Variants in ANKRD24 observed in about 807,000 individuals in gnomAD.
ANKRD24 encodes ankyrin repeat domain-containing protein 24.
ANKRD24 carries 109 observed loss-of-function variants against 127.8 expected under a neutral mutation model. The ratio of observed to expected loss-of-function variants is 0.85; its 90% CI spans 0.73 to 1.00. The LOEUF (loss-of-function observed/expected upper bound fraction) is 1.00, where lower values mean the gene tolerates loss of function less well. ANKRD24 is among the 50% of genes least tolerant of loss of function. The probability of loss-of-function intolerance (pLI) is 0.00; values close to 1 mark genes in which losing one functional copy is unlikely to be tolerated. For missense variants in ANKRD24, 1,648 were observed against 1,570.2 expected (o/e 1.05, Z -0.84); for synonymous variants, 743 against 671.1 (o/e 1.11, Z -1.66).
chr19:4,200,855 G>A (rs963630455), intron 5 of ANKRD24, among the ~76,000 whole-genome samples: 4 of 152,160 alleles, frequency 2.6e-5, no homozygotes, highest in Non-Finnish European at 5.9e-5. Context: ...CTGAGGCAGA[G>A]GAAGAACTGG....
chr19:4,208,570 A>C (rs997619207), intron 10 of ANKRD24, among the ~76,000 whole-genome samples, 194 bp from the exon 11 acceptor site: 1 of 151,680 alleles, frequency 6.6e-6, no homozygotes, highest in African/African-American at 2.4e-5. Flanking sequence ...GGCATGAGTC[A>C]CCCCATCCAG....
At chr19:4,222,209 C>A (rs377008316) in intron 19 of ANKRD24, among the ~76,000 whole-genome samples, 1 of 152,074 alleles carries the variant, frequency 6.6e-6, no homozygotes, top group Non-Finnish European at 1.5e-5. Context: ...GCCAACATGG[C>A]GAAACCCCGT....
At chr19:4,210,701 C>T (rs1473009135) in intron 13 of ANKRD24, among the ~76,000 whole-genome samples, 3 of 147,560 alleles carry the variant, frequency 2.0e-5, no homozygotes, top group East Asian at 1.9e-4. Context: ...GTAGGCTCCT[C>T]GCCAAAGACA....
intron 15 of ANKRD24, among the ~76,000 whole-genome samples, 163 bp downstream of exon 15, chr19:4,212,861 G>A (rs1411131290): frequency 2.6e-5 from 4 of 152,172 alleles, no homozygotes; most frequent in Non-Finnish European, 2.9e-5. Context: ...GGCTGGGTGC[G>A]AGGGCTTACG....
rs1451616312 is a variant in ANKRD24, at chr19:4,198,486, C to T, written c.37-1197C>T. On this transcript the variant is annotated intron_variant, in intron 2 of 21. Transcript: ENST00000318934. This position sits in a 1 kb window ranked among gnomAD's most constrained non-coding sequence, Gnocchi z 6.1. ...CGTGCGCCCCCCGCGCCCCGCGCCCCGGACGCCATGAAGCAGCTGTGTCTG... is the reference window on the plus strand; with the variant it reads ...CGTGCGCCCCCCGCGCCCCGCGCCCTGGACGCCATGAAGCAGCTGTGTCTG... 1 of 623,576 alleles carries T rather than the reference C, an allele frequency of 1.6e-6. No individual in the cohort carries two copies. Among genetic ancestry groups the T allele is most frequent in the South Asian group, 1.7e-5 (1 of 59,236 alleles). 38.6% of individuals were successfully genotyped at this position (623,576 alleles called of 1,614,324 possible).
intron 1 of ANKRD24, among the ~76,000 whole-genome samples, chr19:4,184,119 C>T (rs1001330851): frequency 3.9e-5 from 6 of 152,206 alleles, no homozygotes; most frequent in African/African-American, 1.4e-4. Flanking sequence ...AGTTGGCCAA[C>T]AGGCAGTCCG....
In ANKRD24 at chr19:4,212,695, G is replaced by A; in HGVS notation, c.1194G>A (p.Leu398=). Residue 398 remains leucine, a synonymous_variant, in exon 15 of 22, where the codon CTG becomes CTA. Transcript: ENST00000318934. ...GTTTGCAGAGCCGGCTGTCCCTGCT[G>A]GAGGTAGGAGCAGTGATGAGTCAGG... ...VESLQSRLSL[L]ENERENTSYD... 4 of 1,550,728 alleles carry A rather than the reference G, an allele frequency of 2.6e-6. No individual in the cohort carries two copies. The South Asian group carries it at 4.8e-5, about 18-fold the overall frequency.
Position 4,217,479 on chromosome 19 carries a change from C to A in ANKRD24, c.2319C>A (p.Gly773=). 7.0e-7 allele frequency: 1 copy of A among 1,424,906 alleles called. No individual in the cohort carries two copies. The allele number at this position is 1,424,906 out of a possible 1,614,324, so 88.3% of individuals were successfully genotyped here. A position where few individuals can be genotyped will look rare whatever the true frequency, so the allele number is the denominator to read the frequency against. Residue 773 remains glycine, a synonymous_variant, in exon 18 of 22, where the codon GGC becomes GGA. Transcript: ENST00000318934. ...RLRERVREAE[G]SGASGGGGGD... is the part of the protein sequence containing the mutation. ...GAGAGCGTGTCCGCGAGGCCGAGGG[C>A]AGCGGGGCCAGCGGGGGCGGTGGCG...
chr19:4,190,836 C>T (rs992929135), intron 2 of ANKRD24, among the ~76,000 whole-genome samples: 4 of 152,222 alleles, frequency 2.6e-5, no homozygotes, highest in African/African-American at 9.6e-5. Context: ...CCCAAGCATT[C>T]CTCAGAAGTA....
rs765060432 is a variant in ANKRD24 at position 4,217,080 on chromosome 19, G to A, written c.1920G>A (p.Val640=). ...TETTGVEAMG[V]EATKTKAEEA... ...CCACGGGAGTGGAGGCCATGGGGGT[G>A]GAGGCCACAAAAACAAAAGCAGAGG... Residue 640 remains valine (V), a synonymous_variant, in exon 18 of 22, where the codon GTG becomes GTA. Coordinates refer to ENST00000318934, the MANE Select transcript of ANKRD24 (RefSeq NM_001393985.1). 6.2e-7 allele frequency: 1 copy of A among 1,613,802 alleles called. No homozygotes were observed. Among genetic ancestry groups the A allele is most frequent in the Non-Finnish European group, 8.5e-7 (1 of 1,179,864 alleles).
At chr19:4,215,851 T>G in intron 15 of ANKRD24, 127 bp from the exon 16 acceptor site, 2 of 690,352 alleles carry the variant, frequency 2.9e-6, no homozygotes, top group Non-Finnish European at 2.4e-6. Context: ...GTGGGCCAAA[T>G]GCAGCCATCT....
chr19:4,219,656 A>C lies in ANKRD24; in HGVS notation c.3069A>C (p.Ala1023=), dbSNP rs747466956. ...CAGCCGAGGCACAGCTGGCCACAGC[A>C]GAGCAGCAGCTACGGGGGCTACGGA... is the stretch of plus-strand genomic sequence containing the variant. ...RHAAEAQLAT[A]EQQLRGLRTE... is the part of the protein sequence containing the mutation. The change falls in exon 19 of 22, where the codon GCA becomes GCC. Residue 1023 remains alanine, a synonymous_variant. Transcript: ENST00000318934. 1.9e-6 allele frequency: 3 copies of C among 1,613,814 alleles called. No homozygotes were observed. In the African/African-American group the frequency reaches 4.0e-5, roughly 22 times the overall value.
At chr19:4,200,442 T>G (rs1969036190) in intron 5 of ANKRD24, among the ~76,000 whole-genome samples, 1 of 151,552 alleles carries the variant, frequency 6.6e-6, no homozygotes, top group Non-Finnish European at 1.5e-5. Context: ...TTCAGTTGGA[T>G]GGGGAAGTAG....
chr19:4,209,103 T>C (rs928688398), intron 11 of ANKRD24: 49 of 285,158 alleles, frequency 1.7e-4, no homozygotes, highest in African/African-American at 9.5e-4. Context: ...TTCCCCTCTT[T>C]CAGTTTTTTT....
Position 4,207,541 on chromosome 19 carries a change from A to G in ANKRD24, c.578A>G (p.His193Arg), listed in dbSNP as rs1004754570. 6 of 1,613,906 alleles carry G rather than the reference A, an allele frequency of 3.7e-6. No individual in the cohort carries two copies. The highest frequency in any genetic ancestry group is 5.1e-6 in the Non-Finnish European group (6 of 1,179,886). The part of the protein sequence containing the change: ...TPLIIAAQMC[H>R]TDLCRLLLQQ... ...CTCATTATAGCAGCTCAGATGTGTC[A>G]CACAGACCTGTGCCGTCTCCTACTG... The change falls in exon 9 of 22, where the codon CAC becomes CGC. Residue 193 changes from histidine (H) to arginine (R), a missense_variant. Physicochemically the swap from His to Arg is conservative, Grantham distance 29 (BLOSUM62 0). Transcript: ENST00000318934.
At chr19:4,206,098 G>C (rs1252146710) in intron 7 of ANKRD24, among the ~76,000 whole-genome samples, 2 of 151,138 alleles carry the variant, frequency 1.3e-5, no homozygotes, top group African/African-American at 2.4e-5. Context: ...GCCGAGATCG[G>C]GCCACTGCAC....
chr19:4,199,847 C>G lies in ANKRD24; in HGVS notation c.124-28C>G, dbSNP rs771002610. 5.2e-6 allele frequency: 8 copies of G among 1,552,490 alleles called. No individual in the cohort carries two copies. Among genetic ancestry groups the G allele is most frequent in the Non-Finnish European group, 7.0e-6 (8 of 1,147,944 alleles). ...GGGAGGGGACAGCAGCCAACACTGC[C>G]CCACGCACTTCTGGGCGTGCCCTGC... On this transcript the variant is annotated intron_variant, in intron 3 of 21. Transcript: ENST00000318934. This position sits in a 1 kb window ranked among gnomAD's most constrained non-coding sequence, Gnocchi z 5.2.
intron 7 of ANKRD24, 127 bp from the exon 8 acceptor site, chr19:4,207,115 G>A: frequency 1.6e-6 from 1 of 632,812 alleles, no homozygotes; most frequent in South Asian, 1.9e-5. Flanking sequence ...TAGAGACAGG[G>A]TCTCACTGTG....
At chr19:4,214,334 A>AT (rs376133994) in intron 15 of ANKRD24, among the ~76,000 whole-genome samples, 2,033 of 151,842 alleles carry the variant, frequency 0.013, 46 homozygotes, top group African/African-American at 0.046. Context: ...CACCTGGCTA[A>AT]TTTTTTTCTT....
Sources: gnomAD v4.1 joint callset for allele counts (sites outside exome capture counted in the v4.1 genomes callset) on GRCh38, gnomAD v4.1.1 for gene constraint, Gnocchi (gnomAD v3.1) non-coding constraint, MANE v1.5 for transcripts, NCBI Gene and HGNC (gene_info 2026-07-23, HGNC 2026-07-21) for gene names.